Variants in ME1 observed in about 807,000 individuals in gnomAD.
ME1 encodes the protein NADP-dependent malic enzyme.
ME1 carries 74 observed loss-of-function variants against 66.4 expected under a neutral mutation model. The ratio of observed to expected loss-of-function variants is 1.11; its 90% CI spans 0.92 to 1.35. ME1 has a LOEUF of 1.35. Ranked by LOEUF, ME1 falls within the 40% of genes most tolerant of loss-of-function variation. ME1 has a pLI of 0.00. For synonymous variants in ME1, 251 were observed against 235.6 expected (o/e 1.07, Z -0.60); for missense variants, 750 against 694.1 (o/e 1.08, Z -0.90).
At chr6:83,311,617 C>T (rs1193026049) in intron 6 of ME1, among the ~76,000 whole-genome samples, 3 of 152,082 alleles carry the variant, frequency 2.0e-5, no homozygotes, top group African/African-American at 7.2e-5. Context: ...CACACCATTT[C>T]CCAAAGCCAT....
intron 1 of ME1, among the ~76,000 whole-genome samples, chr6:83,426,274 T>C (rs1445387214): frequency 6.6e-6 from 1 of 152,198 alleles, no homozygotes; most frequent in East Asian, 1.9e-4. Flanking sequence ...ATCCATTCCT[T>C]TCTTCAATAT....
Position 83,415,808 on chromosome 6 carries a change from A to G in ME1, c.79-7907T>C, listed in dbSNP as rs145498423. Among the ~76,000 whole-genome samples, 59 of 152,308 alleles carry G rather than the reference A, an allele frequency of 3.9e-4. 2 individuals are homozygous for G. The East Asian group carries it at 0.01, about 26-fold the overall frequency. On this transcript the variant is annotated intron_variant, in intron 1 of 13. Coordinates refer to ENST00000369705, the MANE Select transcript of ME1 (RefSeq NM_002395.6). ...GTTTGACCAAAATATATATCTACAT[A>G]TCAGCATAAGTGCCAGAGTTTATGG... is the stretch of plus-strand genomic sequence containing the variant.
intron 6 of ME1, among the ~76,000 whole-genome samples, chr6:83,256,128 C>T (rs916318268): frequency 4.6e-5 from 7 of 152,076 alleles, no homozygotes; most frequent in African/African-American, 1.4e-4. Context: ...CCTTACATAC[C>T]GTGCATCCTT....
intron 1 of ME1, among the ~76,000 whole-genome samples, chr6:83,428,091 G>T (rs1003976911): frequency 6.6e-6 from 1 of 151,610 alleles, no homozygotes; most frequent in African/African-American, 2.4e-5. Context: ...AAAAACAGAG[G>T]TGTTAAATAA....
At chr6:83,232,417 G>A (rs1021293678) in intron 9 of ME1, among the ~76,000 whole-genome samples, 10 of 152,132 alleles carry the variant, frequency 6.6e-5, no homozygotes, top group Non-Finnish European at 1.2e-4. Flanking sequence ...ATAGTAAGGG[G>A]CATGGAGTGT....
At chr6:83,410,958 C>T (rs1384343326) in intron 1 of ME1, among the ~76,000 whole-genome samples, 3 of 152,164 alleles carry the variant, frequency 2.0e-5, no homozygotes, top group Admixed American at 2.0e-4. Context: ...TCCCATATAC[C>T]ATTAGCCAAA....
intron 3 of ME1, chr6:83,392,483 T>C: frequency 1.9e-6 from 1 of 521,184 alleles, no homozygotes; most frequent in Admixed American, 1.9e-5. Flanking sequence ...AGGGCTGCTT[T>C]AAACTCTGGT....
chr6:83,264,771 G>T (rs1384320873), intron 6 of ME1, among the ~76,000 whole-genome samples: 1 of 152,184 alleles, frequency 6.6e-6, no homozygotes, highest in African/African-American at 2.4e-5. Context: ...CTGAGGAATT[G>T]CTTTTTCTGG....
At chr6:83,259,828 CTTAA>C (rs1337052000) in intron 6 of ME1, among the ~76,000 whole-genome samples, 1 of 150,456 alleles carries the variant, frequency 6.6e-6, no homozygotes, top group Non-Finnish European at 1.5e-5. Context: ...ACTGTTACCT[CTTAA>C]TTATTCTTTG....
chr6:83,369,214 C>T (rs1246959703), intron 3 of ME1, among the ~76,000 whole-genome samples: 1 of 152,044 alleles, frequency 6.6e-6, no homozygotes, highest in Admixed American at 6.6e-5. Flanking sequence ...AGATCAAAGA[C>T]CTAACTAACT....
chr6:83,356,692 A>T (rs1366299810), intron 3 of ME1, among the ~76,000 whole-genome samples: 3 of 152,182 alleles, frequency 2.0e-5, no homozygotes, highest in Non-Finnish European at 4.4e-5. Flanking sequence ...GATCAATATG[A>T]TCATTAAGTG....
At chr6:83,427,841 T>C (rs1343907312) in intron 1 of ME1, among the ~76,000 whole-genome samples, 1 of 152,074 alleles carries the variant, frequency 6.6e-6, no homozygotes, top group African/African-American at 2.4e-5. Context: ...GACCAAACCC[T>C]GTCTCTATTA....
chr6:83,247,304 C>T (rs1307662665), intron 7 of ME1, among the ~76,000 whole-genome samples: 1 of 151,690 alleles, frequency 6.6e-6, no homozygotes, highest in Non-Finnish European at 1.5e-5. Flanking sequence ...TTCTGTTTGT[C>T]TTCAGATTAT....
chr6:83,333,588 C>T lies in ME1; in HGVS notation c.600+12585G>A, dbSNP rs1768458945. Reference sequence around the variant, plus strand: ...TTAGATTAGGATGTTTTACAGGTTACAATATTACTAACATATTTTGAACTC... The same window carrying T: ...TTAGATTAGGATGTTTTACAGGTTATAATATTACTAACATATTTTGAACTC... On this transcript the variant is annotated intron_variant, in intron 5 of 13. Coordinates refer to ENST00000369705, the MANE Select transcript of ME1 (RefSeq NM_002395.6). Among the ~76,000 whole-genome samples, 3 of 152,162 alleles carry T rather than the reference C, an allele frequency of 2.0e-5. No homozygotes were observed. In the South Asian group the frequency reaches 6.2e-4, roughly 32 times the overall value.
chr6:83,259,509 T>C (rs567919121), intron 6 of ME1, among the ~76,000 whole-genome samples: 1 of 151,998 alleles, frequency 6.6e-6, no homozygotes, highest in Admixed American at 6.6e-5. Flanking sequence ...AGAATAGAGG[T>C]CTCAAAGTTT....
chr6:83,228,937 T>A lies in ME1; in HGVS notation c.1027-6A>T, dbSNP rs200766263. 1.4e-4 allele frequency: 217 copies of A among 1,580,480 alleles called. No homozygotes were observed. The highest frequency in any genetic ancestry group is 1.7e-4 in the Non-Finnish European group (201 of 1,164,060). ...TGTGTTAAGGAAGCACGTCCCTAAG[T>A]AAAGCCAGTAAGAAAAAATTAAGAA... On this transcript the variant is annotated splice_region_variant and splice_polypyrimidine_tract_variant and intron_variant, in intron 9 of 13. Transcript: ENST00000369705.
At chr6:83,328,098 A>C (rs1768336904) in intron 5 of ME1, among the ~76,000 whole-genome samples, 1 of 152,256 alleles carries the variant, frequency 6.6e-6, no homozygotes, top group Non-Finnish European at 1.5e-5. Context: ...TGGATAAAGA[A>C]AATGTGGCAC....
At chr6:83,422,231 A>G (rs1356993218) in intron 1 of ME1, among the ~76,000 whole-genome samples, 2 of 152,186 alleles carry the variant, frequency 1.3e-5, no homozygotes, top group Non-Finnish European at 2.9e-5. Flanking sequence ...CACACTATCC[A>G]CTGGGCGGTA....
chr6:83,430,825 T>C, intron 1 of ME1, 52 bp downstream of exon 1: 1 of 1,476,062 alleles, frequency 6.8e-7, no homozygotes, highest in Non-Finnish European at 9.3e-7. Context: ...AAGAGGGCCC[T>C]GACCCTGATA....
Sources: allele counts gnomAD v4.1 joint callset (sites outside exome capture counted in the v4.1 genomes callset), GRCh38; gene constraint gnomAD v4.1.1; transcripts MANE v1.5; gene names NCBI Gene and HGNC (gene_info 2026-07-23, HGNC 2026-07-21).